The following PCBD2 variants were observed in gnomAD, a reference collection of about 807,000 sequenced individuals.
PCBD2 encodes pterin-4-alpha-carbinolamine dehydratase 2.
A neutral mutation model predicts 16.4 loss-of-function variants in PCBD2; 12 were observed. The ratio of observed to expected loss-of-function variants is 0.73; its 90% confidence interval spans 0.47 to 1.19. The LOEUF (loss-of-function observed/expected upper bound fraction) is 1.19, where lower values mean the gene tolerates loss of function less well. Among genes scored for constraint, PCBD2 ranks in the 50% most tolerant of loss-of-function variants. The pLI, the probability that PCBD2 is intolerant of heterozygous loss-of-function variation, is 0.00. For missense variants in PCBD2, 138 were observed against 156.8 expected (o/e 0.88, Z 0.64); for synonymous variants, 58 against 61.8 (o/e 0.94, Z 0.29).
intron 2 of PCBD2, chr5:134,925,360 G>C: frequency 5.0e-6 from 2 of 398,438 alleles, no homozygotes; most frequent in Non-Finnish European, 8.8e-6. Flanking sequence ...TGAAGTAAGA[G>C]GTATGGTTTT....
rs915376499 is a variant in PCBD2 at position 134,910,482 on chromosome 5, T to C, written c.216+16T>C. On this transcript the variant is annotated intron_variant, in intron 2 of 3. Transcript: ENST00000254908. ...TTTTAATCAGGTAATTGTTATAAATTCTTGCTAGGGCTGTGGTCTATTTTA... is the reference window on the plus strand; with the variant it reads ...TTTTAATCAGGTAATTGTTATAAATCCTTGCTAGGGCTGTGGTCTATTTTA... 8 of 1,613,402 alleles carry C rather than the reference T, an allele frequency of 5.0e-6. No homozygotes were observed. The African/African-American group carries it at 8.0e-5, about 16-fold the overall frequency.
In PCBD2 at chr5:134,905,239, C is replaced by A. The variant is rs985650375; in HGVS notation, c.84+16C>A. ...AGCGGCCATGGTGAGTGCACAGCGG[C>A]CGCGTGGGTGGGGGTCCGGGGTCGG... On this transcript the variant is annotated intron_variant, in intron 1 of 3. Coordinates refer to ENST00000254908, the MANE Select transcript of PCBD2 (RefSeq NM_032151.5). 6.5e-6 allele frequency: 8 copies of A among 1,223,072 alleles called. No individual in the cohort carries two copies. The highest frequency in any genetic ancestry group is 8.1e-6 in the Non-Finnish European group (8 of 982,540). 75.8% of individuals were successfully genotyped at this position (1,223,072 alleles called of 1,614,324 possible). A position where few individuals can be genotyped will look rare whatever the true frequency, so the allele number is the denominator to read the frequency against.
At chr5:134,905,514 A>C in intron 1 of PCBD2, 4 of 298,752 alleles carry the variant, frequency 1.3e-5, no homozygotes, top group Non-Finnish European at 1.8e-5. Context: ...GCAACTACAA[A>C]AGGCAGATGT....
At chr5:134,955,851 G>T (rs889931153) in intron 2 of PCBD2, among the ~76,000 whole-genome samples, 1 of 152,162 alleles carries the variant, frequency 6.6e-6, no homozygotes, top group Admixed American at 6.5e-5. Context: ...ACTGTAAAAA[G>T]AAATCTTTGA....
intron 1 of PCBD2, among the ~76,000 whole-genome samples, chr5:134,906,149 C>T (rs1290564264): frequency 6.8e-6 from 1 of 147,992 alleles, no homozygotes. Context: ...GCTGGGATTA[C>T]AGGCGCGAGC....
At chr5:134,905,954 C>T (rs1025934827) in intron 1 of PCBD2, among the ~76,000 whole-genome samples, 2 of 150,042 alleles carry the variant, frequency 1.3e-5, no homozygotes, top group African/African-American at 4.9e-5. Flanking sequence ...CTCACTGCAA[C>T]CTCCATCTCC....
intron 2 of PCBD2, among the ~76,000 whole-genome samples, chr5:134,947,595 G>A (rs1483600118): frequency 6.6e-6 from 1 of 151,566 alleles, no homozygotes; most frequent in Non-Finnish European, 1.5e-5. Context: ...CACCATGTTA[G>A]CCAGGATTGT....
chr5:134,926,578 A>T (rs76024782), intron 2 of PCBD2: 1 of 395,796 alleles, frequency 2.5e-6, no homozygotes, highest in East Asian at 3.6e-5. Flanking sequence ...AGCAGTTCTT[A>T]TGCGCTTTCT....
At chr5:134,938,131 G>T (rs574787213) in intron 2 of PCBD2, among the ~76,000 whole-genome samples, 1 of 152,296 alleles carries the variant, frequency 6.6e-6, no homozygotes, top group African/African-American at 2.4e-5. Context: ...ACGAGGAAAC[G>T]TTTTAGCCTT....
rs555749835 is a variant in PCBD2 at position 134,926,605 on chromosome 5, G to A, written c.216+16139G>A. Reference sequence around the variant, plus strand: ...GCGCTTTCTCGGTAAATAAGGGGTCGTGAGCCTCTGTTGTCAGATTCACAA... The same window carrying A: ...GCGCTTTCTCGGTAAATAAGGGGTCATGAGCCTCTGTTGTCAGATTCACAA... On this transcript the variant is annotated intron_variant, in intron 2 of 3. Transcript: ENST00000254908. The A allele has an allele frequency of 4.0e-5, 16 of 396,132 alleles. No homozygotes were observed. In the East Asian group the frequency reaches 4.3e-4, roughly 11 times the overall value. 24.5% of individuals were successfully genotyped at this position (396,132 alleles called of 1,614,324 possible). A position where few individuals can be genotyped will look rare whatever the true frequency, so the allele number is the denominator to read the frequency against.
In PCBD2 at chr5:134,962,072, TTG is replaced by T. The variant is rs58911694; in HGVS notation, c.*1425_*1426del. 0.068 allele frequency among the ~76,000 whole-genome samples: 9,542 copies of T among 140,054 alleles called. 402 individuals are homozygous for T. The highest frequency in any genetic ancestry group is 0.24 in the East Asian group (1,118 of 4,652). The allele number at this position is 140,054 out of a possible 152,430, so 91.9% of individuals were successfully genotyped here. On this transcript the variant is annotated 3_prime_UTR_variant, in exon 4 of 4. Transcript: ENST00000254908. ...CATTGCCCCCAGCCAGTATAACAGT[TTG>T]TGTGTGTGTGTGTGTGTGTGTGTGT... is the stretch of plus-strand genomic sequence containing the variant.
At chr5:134,941,566 A>T (rs1355943703) in intron 2 of PCBD2, among the ~76,000 whole-genome samples, 1 of 152,188 alleles carries the variant, frequency 6.6e-6, no homozygotes, top group African/African-American at 2.4e-5. Context: ...TTCTACATGA[A>T]ACCATAAAAT....
At chr5:134,935,911 G>T (rs1751154019) in intron 2 of PCBD2, among the ~76,000 whole-genome samples, 1 of 152,182 alleles carries the variant, frequency 6.6e-6, no homozygotes, top group Non-Finnish European at 1.5e-5. Context: ...CAGTGTGGAG[G>T]TTCTTTCTGC....
intron 2 of PCBD2, among the ~76,000 whole-genome samples, chr5:134,938,379 A>G (rs1327295589): frequency 6.6e-6 from 1 of 152,242 alleles, no homozygotes; most frequent in Non-Finnish European, 1.5e-5. Context: ...GAGACACTGA[A>G]GGAACCTTTT....
chr5:134,925,491 G>A (rs1269625759), intron 2 of PCBD2: 16 of 398,438 alleles, frequency 4.0e-5, no homozygotes. Flanking sequence ...GGAATGCTAG[G>A]TGTGGTTGGT....
At chr5:134,906,597 C>G (rs1168467718) in intron 1 of PCBD2, among the ~76,000 whole-genome samples, 1 of 152,188 alleles carries the variant, frequency 6.6e-6, no homozygotes, top group East Asian at 1.9e-4. Context: ...CAGGCGTACT[C>G]TGCCCCAGGT....
At chr5:134,944,999 A>T (rs774732863) in intron 2 of PCBD2, among the ~76,000 whole-genome samples, 2 of 152,230 alleles carry the variant, frequency 1.3e-5, no homozygotes, top group Admixed American at 6.5e-5. Context: ...AAATTGGAAT[A>T]ATTTTTTATA....
At chr5:134,929,361 AAAAG>A (rs958709952) in intron 2 of PCBD2, among the ~76,000 whole-genome samples, 7 of 152,018 alleles carry the variant, frequency 4.6e-5, no homozygotes, top group South Asian at 2.1e-4. Flanking sequence ...AAAAAAAAAA[AAAAG>A]GGAAGAAAAT....
At chr5:134,956,279 T>A (rs2149540939) in intron 2 of PCBD2, among the ~76,000 whole-genome samples, 1 of 152,290 alleles carries the variant, frequency 6.6e-6, no homozygotes, top group South Asian at 2.1e-4. Context: ...GGTTTTGATG[T>A]GTCATAAAAG....
Sources: gnomAD v4.1 joint callset for allele counts (sites outside exome capture counted in the v4.1 genomes callset) on GRCh38, gnomAD v4.1.1 for gene constraint, MANE v1.5 for transcripts, NCBI Gene and HGNC (gene_info 2026-07-23, HGNC 2026-07-21) for gene names.